The following MAPK10 variants were observed in gnomAD, a reference collection of about 807,000 sequenced individuals.
MAPK10 encodes the protein JNK3 alpha protein kinase.
In MAPK10, 25 loss-of-function variants were observed where a neutral mutation model predicts 59.3. That is an observed-to-expected ratio of 0.42 (90% CI 0.31 to 0.59). The LOEUF is 0.59. Ranked by LOEUF, MAPK10 falls within the 20% of genes least tolerant of loss-of-function variation. The pLI, the probability that MAPK10 is intolerant of heterozygous loss-of-function variation, is 0.15. For synonymous variants in MAPK10, 190 were observed against 200.5 expected (o/e 0.95, Z 0.44); for missense variants, 351 against 568.9 (o/e 0.62, Z 3.90).
At chr4:86,252,178 T>G (rs1233786608) in intron 2 of MAPK10, among the ~76,000 whole-genome samples, 1 of 125,994 alleles carries the variant, frequency 7.9e-6, no homozygotes, top group Non-Finnish European at 1.6e-5. Flanking sequence ...TTAGTTTAAT[T>G]AGATCCCATT....
chr4:86,468,719 T>A (rs894449067), intron 1 of MAPK10, among the ~76,000 whole-genome samples: 2 of 152,098 alleles, frequency 1.3e-5, no homozygotes, highest in African/African-American at 4.8e-5. Flanking sequence ...CCAGGCGTGG[T>A]GGCATGCACC....
chr4:86,401,148 A>G (rs1022182859), intron 1 of MAPK10, among the ~76,000 whole-genome samples: 2 of 152,146 alleles, frequency 1.3e-5, no homozygotes, highest in Admixed American at 1.3e-4. Context: ...CAGGAAAATA[A>G]CTAAATTTTG....
At position 86,067,855 on chromosome 4, in the gene MAPK10, C is replaced by A. The variant is rs771388990; in HGVS notation, c.903G>T (p.Arg301=). 1 of 1,613,962 alleles carries A rather than the reference C, an allele frequency of 6.2e-7. No individual in the cohort carries two copies. The highest frequency in any genetic ancestry group is 1.1e-5 in the South Asian group (1 of 91,066). The change falls in exon 10 of 14, where the codon CGG becomes CGT. Residue 301 remains arginine (R), a synonymous_variant. Transcript: ENST00000641462. The part of the protein sequence containing the change: ...QPTVRNYVEN[R]PKYAGLTFPK... Reference sequence around the variant, plus strand: ...GGAAGGTGAGTCCCGCATACTTGGGCCGATTCTCCACATAGTTTCTTACTG... The same window carrying A: ...GGAAGGTGAGTCCCGCATACTTGGGACGATTCTCCACATAGTTTCTTACTG...
chr4:86,529,654 A>G (rs1757721148), intron 1 of MAPK10, among the ~76,000 whole-genome samples: 1 of 152,120 alleles, frequency 6.6e-6, no homozygotes, highest in African/African-American at 2.4e-5. Context: ...ATACTCCCCA[A>G]GAGGTTGGCT....
chr4:86,400,083 T>C (rs1743491999), intron 1 of MAPK10, among the ~76,000 whole-genome samples: 1 of 152,162 alleles, frequency 6.6e-6, no homozygotes, highest in African/African-American at 2.4e-5. Context: ...CATGCAGATA[T>C]ACAAATATAT....
chr4:86,252,494 G>A (rs1368949593), intron 2 of MAPK10, among the ~76,000 whole-genome samples: 121 of 142,874 alleles, frequency 8.5e-4, no homozygotes, highest in Middle Eastern at 3.5e-3. Flanking sequence ...GGTATGCGGC[G>A]TTATTTCCGA....
At chr4:86,066,421 T>C (rs1300224045) in intron 10 of MAPK10, among the ~76,000 whole-genome samples, 1 of 152,162 alleles carries the variant, frequency 6.6e-6, no homozygotes, top group Non-Finnish European at 1.5e-5. Context: ...TCATGTACCA[T>C]TCTCATAAGA....
At chr4:86,165,350 G>A (rs1256334495) in intron 3 of MAPK10, among the ~76,000 whole-genome samples, 1 of 151,914 alleles carries the variant, frequency 6.6e-6, no homozygotes, top group Non-Finnish European at 1.5e-5. Context: ...TTTTAAATAT[G>A]TATCAAATTA....
intron 9 of MAPK10, among the ~76,000 whole-genome samples, chr4:86,075,456 G>A (rs549544773): frequency 6.6e-6 from 1 of 152,252 alleles, no homozygotes; most frequent in Admixed American, 6.5e-5. Context: ...TTCCTTTGGA[G>A]GAGGAGAGAT....
At chr4:86,063,673 A>G (rs573157117) in intron 11 of MAPK10, among the ~76,000 whole-genome samples, 2 of 152,152 alleles carry the variant, frequency 1.3e-5, no homozygotes, top group Non-Finnish European at 2.9e-5. Context: ...TAAAATAGAA[A>G]GAGTTATGCT....
chr4:86,435,857 T>G (rs959249428), intron 1 of MAPK10, among the ~76,000 whole-genome samples: 2 of 152,178 alleles, frequency 1.3e-5, no homozygotes, highest in Non-Finnish European at 2.9e-5. Context: ...CAGCTAATAT[T>G]AGAAACAAAA....
chr4:86,285,462 G>A (rs147130641), intron 2 of MAPK10, among the ~76,000 whole-genome samples: 21,174 of 151,912 alleles, frequency 0.14, 1,877 homozygotes, highest in African/African-American at 0.25. Context: ...TGATCCACCC[G>A]CCTCGACCTC....
rs749816065 is a variant in MAPK10, at chr4:86,031,456, TC to T, written c.1111-26del. On this transcript the variant is annotated intron_variant, in intron 11 of 13. Coordinates refer to ENST00000641462, the MANE Select transcript of MAPK10 (RefSeq NM_138982.4). ...GCTGCCGAATAAAAACAAAAAATAA[TC>T]TTTGTGTGATAATGTAAACATAACT... 7.3e-5 allele frequency: 113 copies of T among 1,551,110 alleles called. No individual in the cohort carries two copies. The East Asian group carries it at 1.8e-3, about 25-fold the overall frequency.
intron 2 of MAPK10, among the ~76,000 whole-genome samples, chr4:86,292,961 T>G (rs142649892): frequency 1.4e-3 from 210 of 152,276 alleles, no homozygotes; most frequent in African/African-American, 4.8e-3. Context: ...TGCATAAAAC[T>G]AAGTCACCAT....
intron 3 of MAPK10, chr4:86,171,128 A>T: frequency 6.6e-6 from 1 of 151,986 alleles, no homozygotes; most frequent in Non-Finnish European, 1.5e-5. Flanking sequence ...AGCAGGAAAG[A>T]TCCAAAATTG....
At chr4:86,296,002 C>G (rs898749262) in intron 2 of MAPK10, among the ~76,000 whole-genome samples, 1 of 150,776 alleles carries the variant, frequency 6.6e-6, no homozygotes, top group East Asian at 1.9e-4. Context: ...ATGGTGAAAC[C>G]CTGTCTTTAC....
intron 3 of MAPK10, among the ~76,000 whole-genome samples, chr4:86,177,802 AG>A (rs1461382602): frequency 4.6e-5 from 7 of 152,196 alleles, no homozygotes; most frequent in Admixed American, 6.5e-5. Context: ...TGTGCCAAAA[AG>A]TAATAGTAAA....
chr4:86,359,260 TTTC>T (rs1242532233), intron 1 of MAPK10, among the ~76,000 whole-genome samples: 7 of 38,468 alleles, frequency 1.8e-4, no homozygotes, highest in African/African-American at 4.1e-4. Flanking sequence ...GTGTTTTTTT[TTTC>T]CTCTCTCTCT....
intron 1 of MAPK10, among the ~76,000 whole-genome samples, chr4:86,434,052 T>C (rs1364194031): frequency 6.6e-6 from 1 of 152,190 alleles, no homozygotes; most frequent in Admixed American, 6.5e-5. Flanking sequence ...AAATATATAT[T>C]TGACATTGAG....
Sources: gnomAD v4.1 joint callset for allele counts (sites outside exome capture counted in the v4.1 genomes callset) on GRCh38, gnomAD v4.1.1 for gene constraint, MANE v1.5 for transcripts, NCBI Gene and HGNC (gene_info 2026-07-23, HGNC 2026-07-21) for gene names.